CNTNAP2: variants seen among roughly 807,000 people sequenced by gnomAD.
CNTNAP2 encodes the protein contactin associated protein 2, also known as contactin-associated protein-like 2.
In CNTNAP2, 98 loss-of-function variants were observed where a neutral mutation model predicts 155.2. That is an observed-to-expected ratio of 0.63 (90% CI 0.54 to 0.75). The LOEUF (loss-of-function observed/expected upper bound fraction) is 0.75, where lower values mean the gene tolerates loss of function less well. CNTNAP2 is among the 30% of genes least tolerant of loss of function. The pLI, the probability that CNTNAP2 is intolerant of heterozygous loss-of-function variation, is 0.00. For synonymous variants in CNTNAP2, 651 were observed against 631.2 expected, an observed-to-expected ratio of 1.03 and a Z score of -0.47; for missense variants, 1,727 against 1,688.1, an observed-to-expected ratio of 1.02 and a Z score of -0.40.
At chr7:147,647,553 A>C (rs1347457235) in intron 13 of CNTNAP2, among the ~76,000 whole-genome samples, 2 of 152,128 alleles carry the variant, frequency 1.3e-5, no homozygotes, top group Non-Finnish European at 2.9e-5. Flanking sequence ...TTAGCAGTTG[A>C]TTATGGGCTA....
At chr7:147,825,296 C>T (rs1032069193) in intron 13 of CNTNAP2, among the ~76,000 whole-genome samples, 5 of 152,146 alleles carry the variant, frequency 3.3e-5, no homozygotes, top group African/African-American at 9.6e-5. Flanking sequence ...TTCTTAGTAG[C>T]ACCAGGTTGG....
At chr7:146,531,462 AATATTCATGTTAAG>A (rs1315508413) in intron 1 of CNTNAP2, among the ~76,000 whole-genome samples, 1 of 152,178 alleles carries the variant, frequency 6.6e-6, no homozygotes, top group African/African-American at 2.4e-5. Flanking sequence ...TGGTCTTCTA[AATATTCATGTTAAG>A]ATAATCAGTA....
intron 8 of CNTNAP2, among the ~76,000 whole-genome samples, chr7:147,171,528 TTGG>T (rs1802226713): frequency 6.6e-6 from 1 of 152,130 alleles, no homozygotes; most frequent in African/African-American, 2.4e-5. Context: ...CTAGAATCTG[TTGG>T]TTAACCAAAT....
At chr7:146,342,887 CAT>C (rs1794753259) in intron 1 of CNTNAP2, among the ~76,000 whole-genome samples, 2 of 152,160 alleles carry the variant, frequency 1.3e-5, no homozygotes, top group African/African-American at 4.8e-5. Flanking sequence ...GCTATTATTT[CAT>C]ATTAGTTTTT....
At chr7:147,672,493 G>A (rs1445887154) in intron 13 of CNTNAP2, 1 of 152,112 alleles carries the variant, frequency 6.6e-6, no homozygotes, top group Non-Finnish European at 1.5e-5. Flanking sequence ...TTTCAAAAGT[G>A]GAATCCAGGA....
chr7:147,849,056 C>T (rs1307572378), intron 13 of CNTNAP2, among the ~76,000 whole-genome samples: 2 of 152,106 alleles, frequency 1.3e-5, no homozygotes, highest in Non-Finnish European at 2.9e-5. Flanking sequence ...AAAATTTCTC[C>T]TAGAGGTATA....
At chr7:147,223,717 C>T (rs575910676) in intron 8 of CNTNAP2, among the ~76,000 whole-genome samples, 4 of 151,972 alleles carry the variant, frequency 2.6e-5, no homozygotes, top group South Asian at 2.1e-4. Context: ...CCGAGGCAGG[C>T]GGATCATGAG....
intron 10 of CNTNAP2, among the ~76,000 whole-genome samples, chr7:147,483,252 A>T (rs1798455076): frequency 6.6e-6 from 1 of 152,156 alleles, no homozygotes; most frequent in South Asian, 2.1e-4. Context: ...AAATCTAAGT[A>T]ATCTAGAGAT....
At chr7:147,499,220 T>C (rs1368348567) in intron 11 of CNTNAP2, among the ~76,000 whole-genome samples, 2 of 152,044 alleles carry the variant, frequency 1.3e-5, no homozygotes, top group Admixed American at 1.3e-4. Context: ...GGAGGGGTAA[T>C]TTAGTAGATA....
intron 10 of CNTNAP2, among the ~76,000 whole-genome samples, 187 bp downstream of exon 10, chr7:147,395,967 G>A (rs1295960986): frequency 6.7e-6 from 1 of 149,122 alleles, no homozygotes; most frequent in Non-Finnish European, 1.5e-5. Flanking sequence ...GTTTTTATGT[G>A]GATATATATA....
chr7:146,583,018 A>G (rs551133488), intron 1 of CNTNAP2, among the ~76,000 whole-genome samples: 1 of 151,896 alleles, frequency 6.6e-6, no homozygotes, highest in South Asian at 2.1e-4. Context: ...CTATGTTTTA[A>G]TATCTTGGAG....
At chr7:147,952,378 G>T (rs561482450) in intron 14 of CNTNAP2, among the ~76,000 whole-genome samples, 29 of 151,382 alleles carry the variant, frequency 1.9e-4, no homozygotes, top group Non-Finnish European at 3.5e-4. Context: ...GGAGGCAGAG[G>T]TTGTAGTGAG....
chr7:147,355,944 C>T (rs1796055828), intron 9 of CNTNAP2, among the ~76,000 whole-genome samples: 1 of 152,090 alleles, frequency 6.6e-6, no homozygotes, highest in South Asian at 2.1e-4. Context: ...ATGAGGCCAG[C>T]ATCATCCTGA....
At chr7:146,228,407 C>T (rs913971630) in intron 1 of CNTNAP2, among the ~76,000 whole-genome samples, 4 of 152,012 alleles carry the variant, frequency 2.6e-5, no homozygotes, top group African/African-American at 7.2e-5. Context: ...TACATAAAGA[C>T]GATAACAGTA....
chr7:146,679,883 CT>C (rs1222725154), intron 1 of CNTNAP2, among the ~76,000 whole-genome samples: 18 of 151,534 alleles, frequency 1.2e-4, no homozygotes, highest in South Asian at 4.2e-4. Flanking sequence ...ATAAGACATT[CT>C]TTTTTTTAAG....
chr7:147,955,606 C>T (rs1316939835), intron 14 of CNTNAP2, among the ~76,000 whole-genome samples: 1 of 152,120 alleles, frequency 6.6e-6, no homozygotes, highest in Non-Finnish European at 1.5e-5. Flanking sequence ...CTAGAATGTT[C>T]TGATATGTAG....
chr7:146,461,665 G>T (rs1166590525), intron 1 of CNTNAP2, among the ~76,000 whole-genome samples: 4 of 152,110 alleles, frequency 2.6e-5, no homozygotes, highest in Admixed American at 6.6e-5. Flanking sequence ...ATCAGACGTT[G>T]GTCCCTTACC....
Position 147,601,334 on chromosome 7 carries a change from G to A in CNTNAP2, c.1898-37772G>A, listed in dbSNP as rs931151026. ...GAGATGGGGTGGGGCCGTTTTATAG[G>A]ATTTGGGTAGGTAGTGGAAAATTAC... On this transcript the variant is annotated intron_variant, in intron 12 of 23. Transcript: ENST00000361727. 9.1e-4 allele frequency among the ~76,000 whole-genome samples: 138 copies of A among 151,956 alleles called. 1 individual carries two copies. The highest frequency in any genetic ancestry group is 3.1e-3 in the African/African-American group (130 of 41,434).
intron 13 of CNTNAP2, among the ~76,000 whole-genome samples, chr7:147,823,460 C>T (rs538433110): frequency 3.3e-5 from 5 of 152,158 alleles, no homozygotes; most frequent in East Asian, 1.9e-4. Context: ...TATATCAGCA[C>T]GTTGAATTGA....
Sources: gnomAD v4.1 joint callset for allele counts (sites outside exome capture counted in the v4.1 genomes callset) on GRCh38, gnomAD v4.1.1 for gene constraint, MANE v1.5 for transcripts, NCBI Gene and HGNC (gene_info 2026-07-23, HGNC 2026-07-21) for gene names.